Variants in SPTLC1 observed in about 807,000 individuals in gnomAD.
The protein encoded by SPTLC1 is serine palmitoyltransferase long chain base subunit 1.
A neutral mutation model predicts 68.9 loss-of-function variants in SPTLC1; 55 were observed. The ratio of observed to expected loss-of-function variants is 0.80; its 90% CI spans 0.64 to 1.00. SPTLC1 has a LOEUF of 1.00. Among genes scored for constraint, SPTLC1 ranks in the 50% least tolerant of loss-of-function variants. The probability of loss-of-function intolerance (pLI) is 0.00; values close to 1 mark genes in which losing one functional copy is unlikely to be tolerated. For synonymous variants in SPTLC1, 197 were observed against 201.6 expected, an observed-to-expected ratio of 0.98 and a Z score of 0.19; for missense variants, 449 against 573.1, an observed-to-expected ratio of 0.78 and a Z score of 2.21.
At chr9:92,032,648 A>G in intron 14 of SPTLC1, 90 bp from the exon 15 acceptor site, 2 of 1,539,360 alleles carry the variant, frequency 1.3e-6, no homozygotes, top group Admixed American at 1.7e-5. Flanking sequence ...AGGCCAAGGC[A>G]GGTGGATCAC....
intron 3 of SPTLC1, among the ~76,000 whole-genome samples, chr9:92,098,034 A>T (rs768839992): frequency 3.9e-5 from 6 of 152,062 alleles, no homozygotes; most frequent in Non-Finnish European, 8.8e-5. Context: ...ATCTGATTGG[A>T]CTCCGGTGAA....
intron 3 of SPTLC1, 58 bp downstream of exon 3, chr9:92,108,682 A>T: frequency 6.3e-7 from 1 of 1,578,176 alleles, no homozygotes; most frequent in South Asian, 1.1e-5. Flanking sequence ...AGCACTATAG[A>T]CTGCAGGTTA....
At chr9:92,072,779 T>C (rs1338343667) in intron 5 of SPTLC1, among the ~76,000 whole-genome samples, 1 of 152,092 alleles carries the variant, frequency 6.6e-6, no homozygotes, top group Non-Finnish European at 1.5e-5. Flanking sequence ...GGTTGCAAAA[T>C]GGGCAAATGG....
chr9:92,053,130 C>CA lies in SPTLC1; in HGVS notation c.780+2274dup, dbSNP rs79512949. 2.3e-3 allele frequency among the ~76,000 whole-genome samples: 323 copies of CA among 140,236 alleles called. 2 individuals carry two copies. Among genetic ancestry groups the CA allele is most frequent in the Middle Eastern group, 0.022 (6 of 274 alleles). 92.0% of individuals were successfully genotyped at this position (140,236 alleles called of 152,430 possible). On this transcript the variant is annotated intron_variant, in intron 8 of 14. Transcript: ENST00000262554. Reference sequence around the variant, plus strand: ...ACGCATGGCCAAACAAACAAACAAACAAAAAAAAAAACAAGAAAAGAGGCT... The same window carrying CA: ...ACGCATGGCCAAACAAACAAACAAACAAAAAAAAAAAACAAGAAAAGAGGCT...
chr9:92,038,991 CA>C lies in SPTLC1; in HGVS notation c.1137-627del, dbSNP rs751306349. ...ATAAAACAAAAACAAAAACAAAAAA[CA>C]AAAAATTGGCCGAGTGTGGTGGCTT... On this transcript the variant is annotated intron_variant, in intron 12 of 14. Coordinates refer to ENST00000262554, the MANE Select transcript of SPTLC1 (RefSeq NM_006415.4). 6.1e-4 allele frequency among the ~76,000 whole-genome samples: 93 copies of C among 152,158 alleles called. 1 individual carries two copies. The highest frequency in any genetic ancestry group is 3.5e-4 in the Non-Finnish European group (24 of 67,978).
At chr9:92,089,601 T>C (rs1327956548) in intron 3 of SPTLC1, among the ~76,000 whole-genome samples, 4 of 152,052 alleles carry the variant, frequency 2.6e-5, no homozygotes, top group Non-Finnish European at 4.4e-5. Context: ...GAGTACATAC[T>C]GAACGTAGAG....
chr9:92,068,954 T>C (rs1443083132), intron 5 of SPTLC1, among the ~76,000 whole-genome samples: 2 of 152,132 alleles, frequency 1.3e-5, no homozygotes, highest in Admixed American at 6.5e-5. Context: ...CTTAGCTCTT[T>C]TAACTATGGC....
chr9:92,107,840 C>T (rs1836062509), intron 3 of SPTLC1: 1 of 152,180 alleles, frequency 6.6e-6, no homozygotes, highest in Non-Finnish European at 1.5e-5. Flanking sequence ...ATAGAAGCTC[C>T]TGTTTGATCA....
chr9:92,074,449 T>C (rs909723261), intron 5 of SPTLC1, among the ~76,000 whole-genome samples: 7 of 151,968 alleles, frequency 4.6e-5, no homozygotes, highest in African/African-American at 1.7e-4. Context: ...GAGCTACCCT[T>C]TTATCCAATT....
At chr9:92,090,998 A>G (rs1835342853) in intron 3 of SPTLC1, among the ~76,000 whole-genome samples, 1 of 152,192 alleles carries the variant, frequency 6.6e-6, no homozygotes, top group Admixed American at 6.5e-5. Flanking sequence ...GAGGGCAAAT[A>G]AACTTCTACT....
chr9:92,093,844 C>T (rs1405505801), intron 3 of SPTLC1, among the ~76,000 whole-genome samples: 1 of 152,022 alleles, frequency 6.6e-6, no homozygotes. Context: ...GGTGCTTTAC[C>T]AGAAGGAAGC....
chr9:92,063,949 C>A (rs989542540), intron 6 of SPTLC1, among the ~76,000 whole-genome samples: 1 of 152,132 alleles, frequency 6.6e-6, no homozygotes, highest in Non-Finnish European at 1.5e-5. Context: ...AGGAATAGGG[C>A]AAGAATGTCT....
chr9:92,056,826 A>G (rs935942595), intron 7 of SPTLC1, among the ~76,000 whole-genome samples: 1 of 152,246 alleles, frequency 6.6e-6, no homozygotes, highest in African/African-American at 2.4e-5. Flanking sequence ...TAAAAAGTAC[A>G]TATCACTGAT....
intron 1 of SPTLC1, among the ~76,000 whole-genome samples, chr9:92,112,929 G>A (rs1020932641): frequency 1.3e-5 from 2 of 152,130 alleles, no homozygotes; most frequent in African/African-American, 2.4e-5. Context: ...CCAACATGGA[G>A]AAACCCTGTC....
intron 3 of SPTLC1, among the ~76,000 whole-genome samples, chr9:92,089,892 T>A (rs144832258): frequency 4.2e-4 from 64 of 152,274 alleles, no homozygotes; most frequent in Middle Eastern, 3.4e-3. Flanking sequence ...TGACACAGTC[T>A]CCCCATAACA....
intron 14 of SPTLC1, among the ~76,000 whole-genome samples, chr9:92,034,109 T>C (rs7021285): frequency 0.16 from 24,295 of 152,168 alleles, 2,807 homozygotes; most frequent in African/African-American, 0.33. Flanking sequence ...AAAGCCACGA[T>C]GCCCACAGGA....
chr9:92,036,916 G>T (rs1833160401), intron 13 of SPTLC1, among the ~76,000 whole-genome samples: 1 of 152,232 alleles, frequency 6.6e-6, no homozygotes, highest in African/African-American at 2.4e-5. Context: ...AGTTGTGCCT[G>T]AGGGGACATC....
intron 3 of SPTLC1, chr9:92,104,529 G>A (rs545500124): frequency 7.0e-6 from 10 of 1,423,274 alleles, no homozygotes; most frequent in East Asian, 2.5e-5. Flanking sequence ...CTGTCTGCTC[G>A]CAACTCCAGG....
rs1012845956 is a variant in SPTLC1, at chr9:92,087,661, G to T, written c.261-6698C>A. 6.6e-5 allele frequency among the ~76,000 whole-genome samples: 10 copies of T among 152,312 alleles called. 1 individual carries two copies. The South Asian group carries it at 1.0e-3, about 16-fold the overall frequency. On this transcript the variant is annotated intron_variant, in intron 3 of 14. Coordinates refer to ENST00000262554, the MANE Select transcript of SPTLC1 (RefSeq NM_006415.4). ...GGTGTCAGTCTGCCCCTACTGGGGG[G>T]TGCCTCCCAGTTAGGCTGCTCAGGG...
Sources: gnomAD v4.1 joint callset for allele counts (sites outside exome capture counted in the v4.1 genomes callset) on GRCh38, gnomAD v4.1.1 for gene constraint, MANE v1.5 for transcripts, NCBI Gene and HGNC (gene_info 2026-07-23, HGNC 2026-07-21) for gene names.